ABCA2: variants seen among roughly 807,000 people sequenced by gnomAD.
The protein encoded by ABCA2 is ATP-binding cassette sub-family A member 2.
Under a neutral mutation model 262.8 loss-of-function variants are expected in ABCA2, and 84 were observed. That is an observed-to-expected ratio of 0.32 (90% CI 0.27 to 0.38). The LOEUF is 0.38. ABCA2 is among the 10% of genes least tolerant of loss of function. The pLI is 1.00. For synonymous variants in ABCA2, 1,696 were observed against 1,502.9 expected (o/e 1.13, Z -2.97); for missense variants, 2,662 against 3,405.9 (o/e 0.78, Z 5.44).
chr9:137,028,269 A>G, upstream of ABCA2: 7 of 975,768 alleles, frequency 7.2e-6, no homozygotes, highest in Non-Finnish European at 7.3e-6. This position sits in a 1 kb window ranked among gnomAD's most constrained non-coding sequence, Gnocchi z 6.9. Context: ...CCGGGACCCG[A>G]TCCGCGCTGG....
In ABCA2 at chr9:137,014,911, AC is replaced by A; in HGVS notation, c.3882+1del. On this transcript the variant is annotated splice_donor_variant, in intron 25 of 48. Coordinates refer to ENST00000341511, the MANE Select transcript of ABCA2 (RefSeq NM_001606.5). LOFTEE classifies it high-confidence loss of function. Reference sequence around the variant, plus strand: ...TGCCCCCCGACCCGTGCGCCCTCACACCTGGAAGAGGCGCTCGAAAGCCCCC... The same window carrying A: ...TGCCCCCCGACCCGTGCGCCCTCACACTGGAAGAGGCGCTCGAAAGCCCCC... The A allele has an allele frequency of 6.4e-7, 1 of 1,574,694 alleles. No homozygotes were observed.
In ABCA2 at chr9:137,017,544, C is replaced by T. The variant is rs1831306503; in HGVS notation, c.2360G>A (p.Trp787Ter). The T allele has an allele frequency of 6.2e-7, 1 of 1,611,468 alleles. No individual in the cohort carries two copies. The highest frequency in any genetic ancestry group is 1.3e-5 in the African/African-American group (1 of 74,904). The part of the protein sequence containing the change: ...VLMHSHVVII[W>*]LFLAVYAVAT... The stretch of plus-strand genomic sequence containing the variant: ...CACCGCGTAGACTGCCAGGAAGAGC[C>T]AGATGATGACCACGTGGCTGTGCAT... Residue 787 changes from tryptophan to a stop codon, truncating the protein, a stop_gained, in exon 17 of 49, where the codon TGG (tryptophan) becomes TAG (stop). Transcript: ENST00000341511. LOFTEE classifies it high-confidence loss of function.
rs754072319 is a variant in ABCA2 at position 137,020,744 on chromosome 9, G to C, written c.1215C>G (p.Ala405=). ...TPDTLQGQCS[A]FVQLWAGLQP... is the part of the protein sequence containing the mutation. ...GCAGGCCGGCCCAGAGCTGTACGAA[G>C]GCTGAGCACTGGCCCTGCAGCGTGT... The change falls in exon 9 of 49, where the codon GCC becomes GCG. Residue 405 remains alanine, a synonymous_variant. Coordinates refer to ENST00000341511, the MANE Select transcript of ABCA2 (RefSeq NM_001606.5). 6.2e-7 allele frequency: 1 copy of C among 1,602,178 alleles called. No individual in the cohort carries two copies. Among genetic ancestry groups the C allele is most frequent in the Non-Finnish European group, 8.5e-7 (1 of 1,178,912 alleles).
rs768361110 is a variant in ABCA2, at chr9:137,011,945, C to G, written c.5434G>C (p.Val1812Leu). 6.2e-7 allele frequency: 1 copy of G among 1,612,632 alleles called. No homozygotes were observed. Among genetic ancestry groups the G allele is most frequent in the African/African-American group, 1.3e-5 (1 of 74,932 alleles). The change falls in exon 35 of 49, where the codon GTC becomes CTC. Residue 1812 changes from valine (V) to leucine (L), a missense_variant. Transcript: ENST00000341511. The surrounding 1 kb of genome is among the most constrained non-coding windows in gnomAD (Gnocchi z 8.8). The stretch of plus-strand genomic sequence containing the variant: ...GTGGACTTCTCGGCCACGAGGAAGA[C>G]AACGAAGCTGGCCGGCACGAAGGAC... ...AMSFVPASFV[V>L]FLVAEKSTKA... is the part of the protein sequence containing the mutation.
At position 137,011,885 on chromosome 9, in the gene ABCA2, T is replaced by G. The variant is rs761795751; in HGVS notation, c.5494A>C (p.Asn1832His). 45 of 1,610,536 alleles carry G rather than the reference T, an allele frequency of 2.8e-5. No individual in the cohort carries two copies. The highest frequency in any genetic ancestry group is 4.0e-5 in the African/African-American group (3 of 74,868). The stretch of plus-strand genomic sequence containing the variant: ...TTCGCCAGCCAGTAGATGATGGGGT[T>G]GCAGCCGCTGACAAACTGCAGGTGC... ...AKHLQFVSGCNPIIYWLANYV... is the reference protein window; with the variant it reads ...AKHLQFVSGCHPIIYWLANYV... Residue 1832 changes from asparagine to histidine, a missense_variant, in exon 35 of 49, where the codon AAC becomes CAC. Asn to His is a moderately conservative substitution (Grantham distance 68). Transcript: ENST00000341511. The surrounding 1 kb of genome is among the most constrained non-coding windows in gnomAD (Gnocchi z 8.8).
chr9:137,007,792 G>T lies in ABCA2; in HGVS notation c.*137C>A. On this transcript the variant is annotated 3_prime_UTR_variant, in exon 49 of 49. Coordinates refer to ENST00000341511, the MANE Select transcript of ABCA2 (RefSeq NM_001606.5). ...GCATGGCCGAGTACAGGGGCTGGAGGACCAGAAGCCCCTTGGTCCTGAACC... is the reference window on the plus strand; with the variant it reads ...GCATGGCCGAGTACAGGGGCTGGAGTACCAGAAGCCCCTTGGTCCTGAACC... 1 of 1,219,624 alleles carries T rather than the reference G, an allele frequency of 8.2e-7. No homozygotes were observed. Among genetic ancestry groups the T allele is most frequent in the Non-Finnish European group, 1.2e-6 (1 of 863,736 alleles). 75.6% of individuals were successfully genotyped at this position (1,219,624 alleles called of 1,614,324 possible).
At position 137,010,311 on chromosome 9, in the gene ABCA2, G is replaced by A. The variant is rs1302697961; in HGVS notation, c.6235C>T (p.Arg2079Cys). 4 of 1,589,586 alleles carry A rather than the reference G, an allele frequency of 2.5e-6. No individual in the cohort carries two copies. Among genetic ancestry groups the A allele is most frequent in the Non-Finnish European group, 3.4e-6 (4 of 1,168,942 alleles). Residue 2079 changes from arginine to cysteine, a missense_variant, in exon 41 of 49, where the codon CGT becomes TGT. Physicochemically the swap from Arg to Cys is radical, Grantham distance 180. Coordinates refer to ENST00000341511, the MANE Select transcript of ABCA2 (RefSeq NM_001606.5). ...AGGAGCCCGAAGCACTCGCCAGGAC[G>A]CACACCCAGGCACAGGCGGTCAACG... ...LAVDRLCLGVRPGECFGLLGV... is the reference protein window; with the variant it reads ...LAVDRLCLGVCPGECFGLLGV...
In ABCA2 at chr9:137,010,267, G is replaced by A. The variant is rs1830987353; in HGVS notation, c.6279C>T (p.Gly2093=). ...TCAGCATCTTGAAGGTGCTGGTCTT[G>A]CCCGCACCGTTGACGCCCAGGAGCC... ...CFGLLGVNGA[G]KTSTFKMLTG... The change falls in exon 41 of 49, where the codon GGC becomes GGT. Residue 2093 remains glycine (G), a synonymous_variant. Transcript: ENST00000341511. The A allele has an allele frequency of 6.3e-7, 1 of 1,599,462 alleles. No homozygotes were observed. The highest frequency in any genetic ancestry group is 8.5e-7 in the Non-Finnish European group (1 of 1,174,304).
chr9:137,012,284 C>G lies in ABCA2; in HGVS notation c.5280G>C (p.Lys1760Asn). 1 of 1,611,456 alleles carries G rather than the reference C, an allele frequency of 6.2e-7. No homozygotes were observed. Among genetic ancestry groups the G allele is most frequent in the Non-Finnish European group, 8.5e-7 (1 of 1,179,334 alleles). ...AILRANLPKSKGNPAAYGITV... is the reference protein window; with the variant it reads ...AILRANLPKSNGNPAAYGITV... ...GCTCACCGTAAGCCGCCGGGTTGCC[C>G]TTGCTCTTGGGCAGGTTGGCACGCA... Residue 1760 changes from lysine to asparagine, a missense_variant, in exon 33 of 49, where the codon AAG becomes AAC. By Grantham distance (94) the Lys-to-Asn change is moderately conservative (BLOSUM62 0). This residue lies in a region of ABCA2 where 602 missense variants were observed against 897.4 expected (regional missense o/e 0.67). Transcript: ENST00000341511.
At position 137,009,447 on chromosome 9, in the gene ABCA2, C is replaced by T. The variant is rs1195722908; in HGVS notation, c.6750G>A (p.Glu2250=). The change falls in exon 45 of 49, where the codon GAG becomes GAA. Residue 2250 remains glutamate, a synonymous_variant. Coordinates refer to ENST00000341511, the MANE Select transcript of ABCA2 (RefSeq NM_001606.5). ...VLTSHSMEEC[E]ALCTRLAIMV... is the part of the protein sequence containing the mutation. ...TGATGGCCAGCCGCGTGCACAGCGC[C>T]TCGCACTCCTCCATGCTGTGGGACA... 3 of 1,611,002 alleles carry T rather than the reference C, an allele frequency of 1.9e-6. No homozygotes were observed. The highest frequency in any genetic ancestry group is 2.5e-6 in the Non-Finnish European group (3 of 1,179,758).
Position 137,011,856 on chromosome 9 carries a change from G to A in ABCA2, c.5523C>T (p.Tyr1841=), listed in dbSNP as rs776164690. 32 of 1,595,018 alleles carry A rather than the reference G, an allele frequency of 2.0e-5. No individual in the cohort carries two copies. Among genetic ancestry groups the A allele is most frequent in the East Asian group, 1.8e-4 (8 of 43,658 alleles). The change falls in exon 35 of 49, where the codon TAC becomes TAT. Residue 1841 remains tyrosine (Y), a synonymous_variant. Coordinates refer to ENST00000341511, the MANE Select transcript of ABCA2 (RefSeq NM_001606.5). The surrounding 1 kb of genome is among the most constrained non-coding windows in gnomAD (Gnocchi z 8.8). ...CNPIIYWLAN[Y]VWDMLNYLVP... ...ACGCCGGGCGCACCATGTCCCACAC[G>A]TAGTTCGCCAGCCAGTAGATGATGG...
intron 3 of ABCA2, chr9:137,023,609 A>G: frequency 1.4e-6 from 1 of 720,086 alleles, no homozygotes; most frequent in Non-Finnish European, 2.5e-6. Flanking sequence ...ATGCCGCCTC[A>G]GCTTGACCCA....
At position 137,021,810 on chromosome 9, in the gene ABCA2, G is replaced by A. The variant is rs1413297728; in HGVS notation, c.678+81C>T. 2.2e-6 allele frequency: 3 copies of A among 1,376,220 alleles called. No individual in the cohort carries two copies. The highest frequency in any genetic ancestry group is 2.5e-5 in the South Asian group (2 of 80,162). 85.3% of individuals were successfully genotyped at this position (1,376,220 alleles called of 1,614,324 possible). ...GGAGGAGCTCCAAGTCACCAAAGGG[G>A]CCCTTTCCTCACCCACGGAGCAGAA... On this transcript the variant is annotated intron_variant, in intron 7 of 48. Coordinates refer to ENST00000341511, the MANE Select transcript of ABCA2 (RefSeq NM_001606.5). The surrounding 1 kb of genome is among the most constrained non-coding windows in gnomAD (Gnocchi z 6.0).
rs1424000574 is a variant in ABCA2 at position 137,019,489 on chromosome 9, C to T, written c.1426-183G>A. On this transcript the variant is annotated intron_variant, in intron 10 of 48. Coordinates refer to ENST00000341511, the MANE Select transcript of ABCA2 (RefSeq NM_001606.5). The surrounding 1 kb of genome is among the most constrained non-coding windows in gnomAD (Gnocchi z 4.4). Reference sequence around the variant, plus strand: ...CCACGCTGGAGTGCAGTGGTGCAGTCCCAGCTCACTGCAGCCTCCACCTCC... The same window carrying T: ...CCACGCTGGAGTGCAGTGGTGCAGTTCCAGCTCACTGCAGCCTCCACCTCC... 9.3e-6 allele frequency: 6 copies of T among 643,448 alleles called. No individual in the cohort carries two copies. The African/African-American group carries it at 1.1e-4, about 12-fold the overall frequency. 39.9% of individuals were successfully genotyped at this position (643,448 alleles called of 1,614,324 possible). A position where few individuals can be genotyped will look rare whatever the true frequency, so the allele number is the denominator to read the frequency against.
Position 137,010,202 on chromosome 9 carries a change from T to C in ABCA2, c.6344A>G (p.Asn2115Ser), listed in dbSNP as rs1257899780. ...AGGGCTCCCGCCCCACCTGTGTCCA[T>C]TGACGAAGGCCTCGCCCCCCGTCGT... is the stretch of plus-strand genomic sequence containing the variant. ...ESTTGGEAFVNGHSVLKELLQ... is the reference protein window; with the variant it reads ...ESTTGGEAFVSGHSVLKELLQ... Residue 2115 changes from asparagine (N) to serine (S), a missense_variant, in exon 41 of 49, where the codon AAT becomes AGT. Around this residue, in one of 12 missense-constraint regions of ABCA2, gnomAD observed 602 missense variants for 897.4 expected, o/e 0.67. Transcript: ENST00000341511. 1 of 1,602,674 alleles carries C rather than the reference T, an allele frequency of 6.2e-7. No individual in the cohort carries two copies. Among genetic ancestry groups the C allele is most frequent in the Non-Finnish European group, 8.5e-7 (1 of 1,178,196 alleles).
intron 3 of ABCA2, chr9:137,023,349 AC>A (rs774360031): frequency 5.8e-6 from 4 of 685,688 alleles, no homozygotes; most frequent in Non-Finnish European, 1.1e-5. Flanking sequence ...ATGCCCTGGC[AC>A]TCTCCCCCCG....
chr9:137,024,723 T>G (rs1346869468), intron 1 of ABCA2, among the ~76,000 whole-genome samples: 2 of 151,510 alleles, frequency 1.3e-5, no homozygotes, highest in Non-Finnish European at 2.9e-5. Flanking sequence ...AGGCTTGGCC[T>G]GCGCCCAGGG....
chr9:137,022,422 G>C lies in ABCA2; in HGVS notation c.496C>G (p.Leu166Val). ...ARNPQELWRFLTQNLSLPNST... is the reference protein window; with the variant it reads ...ARNPQELWRFVTQNLSLPNST... The stretch of plus-strand genomic sequence containing the variant: ...TTGGGCAGCGACAAGTTTTGCGTCA[G>C]GAAACGCCAGAGCTCCTGCGGGTTT... Residue 166 changes from leucine to valine, a missense_variant, in exon 6 of 49, where the codon CTG (leucine) becomes GTG (valine). Leu to Val is a conservative substitution (Grantham distance 32, BLOSUM62 1). This residue lies in a region of ABCA2 where 403 missense variants were observed against 375.9 expected (regional missense o/e 1.07). Transcript: ENST00000341511. 6.2e-7 allele frequency: 1 copy of C among 1,612,024 alleles called. No homozygotes were observed. The highest frequency in any genetic ancestry group is 8.5e-7 in the Non-Finnish European group (1 of 1,179,748).
chr9:137,012,442 C>T lies in ABCA2; in HGVS notation c.5187+43G>A, dbSNP rs45572435. 14,784 of 1,608,450 alleles carry T rather than the reference C, an allele frequency of 9.2e-3. 109 individuals carry two copies. Among genetic ancestry groups the T allele is most frequent in the Non-Finnish European group, 0.012 (13,623 of 1,177,476 alleles). On this transcript the variant is annotated intron_variant, in intron 32 of 48. Transcript: ENST00000341511. ...GACCTGGGTCCCTGCAGACCTCGGG[C>T]GGCGCTACACACAGCGGGGCCCAGG... is the stretch of plus-strand genomic sequence containing the variant.
Sources: gnomAD v4.1 joint callset for allele counts (sites outside exome capture counted in the v4.1 genomes callset) on GRCh38, gnomAD v4.1.1 for gene constraint, gnomAD v4.1.1 regional missense constraint, Gnocchi (gnomAD v3.1) non-coding constraint, MANE v1.5 for transcripts, NCBI Gene and HGNC (gene_info 2026-07-23, HGNC 2026-07-21) for gene names.